The following AMBRA1 variants were observed in gnomAD, a reference collection of about 807,000 sequenced individuals.
AMBRA1 encodes the protein autophagy and beclin 1 regulator 1, also known as activating molecule in BECN1-regulated autophagy protein 1.
In AMBRA1, 47 loss-of-function variants were observed where a neutral mutation model predicts 125.4. The ratio of observed to expected loss-of-function variants is 0.37; its 90% CI spans 0.30 to 0.48. The LOEUF is 0.48. Ranked by LOEUF, AMBRA1 falls within the 20% of genes least tolerant of loss-of-function variation. The pLI is 0.99. For missense variants in AMBRA1, 1,331 were observed against 1,693.4 expected (o/e 0.79, Z 3.76); for synonymous variants, 626 against 655.5 (o/e 0.95, Z 0.69).
At chr11:46,427,134 T>C (rs1174715960) in intron 14 of AMBRA1, among the ~76,000 whole-genome samples, 3 of 152,110 alleles carry the variant, frequency 2.0e-5, no homozygotes, top group Non-Finnish European at 2.9e-5. Context: ...AGTTTGTAGA[T>C]TGAAGAATAA....
At chr11:46,531,686 G>C (rs562418018) in intron 7 of AMBRA1, among the ~76,000 whole-genome samples, 3 of 151,970 alleles carry the variant, frequency 2.0e-5, no homozygotes, top group Non-Finnish European at 4.4e-5. Context: ...TCCAGCCTGG[G>C]TGACAGAGCG....
At chr11:46,547,006 G>A (rs1953052205) in intron 4 of AMBRA1, 107 bp downstream of exon 4, 2 of 1,033,632 alleles carry the variant, frequency 1.9e-6, no homozygotes, top group East Asian at 2.5e-5. Context: ...GGGAGACGGA[G>A]GTTGCAGCGA....
chr11:46,476,910 C>A (rs1047026745), intron 11 of AMBRA1, among the ~76,000 whole-genome samples: 2 of 152,068 alleles, frequency 1.3e-5, no homozygotes, highest in Non-Finnish European at 2.9e-5. Context: ...AGTTCGAAAC[C>A]AGCCTGGTCA....
At chr11:46,409,058 G>C (rs1186100531) in intron 16 of AMBRA1, among the ~76,000 whole-genome samples, 1 of 152,228 alleles carries the variant, frequency 6.6e-6, no homozygotes, top group African/African-American at 2.4e-5. Context: ...CAGTAGCTGA[G>C]ATCATGGGAT....
chr11:46,483,036 TAAAAACCA>T (rs2136925277), intron 11 of AMBRA1, among the ~76,000 whole-genome samples: 1 of 128,562 alleles, frequency 7.8e-6, no homozygotes, highest in Non-Finnish European at 1.7e-5. Context: ...AAAAAAAGAG[TAAAAACCA>T]TGAATCTGCT....
chr11:46,470,399 C>T (rs996171678), intron 11 of AMBRA1, among the ~76,000 whole-genome samples: 101 of 152,136 alleles, frequency 6.6e-4, no homozygotes, highest in African/African-American at 2.3e-3. Context: ...CCAATCCTGG[C>T]TAACACGGTG....
At chr11:46,567,849 C>T (rs772329485) in intron 1 of AMBRA1, among the ~76,000 whole-genome samples, 34 of 152,046 alleles carry the variant, frequency 2.2e-4, no homozygotes, top group African/African-American at 8.2e-4. Flanking sequence ...CCAAACTATA[C>T]TTGAAAAACC....
At chr11:46,585,553 C>A (rs1372455786) in intron 1 of AMBRA1, among the ~76,000 whole-genome samples, 5 of 141,712 alleles carry the variant, frequency 3.5e-5, no homozygotes, top group African/African-American at 1.3e-4. Context: ...GTAGTCCCAG[C>A]TACTCAGGAG....
intron 11 of AMBRA1, among the ~76,000 whole-genome samples, chr11:46,474,770 A>AT (rs1949747137): frequency 6.6e-6 from 1 of 152,144 alleles, no homozygotes; most frequent in African/African-American, 2.4e-5. Flanking sequence ...CTCATTCTGG[A>AT]TTTTCCCTAT....
intron 7 of AMBRA1, chr11:46,530,642 T>G (rs1952172540): frequency 6.6e-6 from 1 of 152,202 alleles, no homozygotes; most frequent in Admixed American, 6.5e-5. Flanking sequence ...AACAACCTCT[T>G]TGGGGCCCTC....
At chr11:46,482,957 C>T (rs748641848) in intron 11 of AMBRA1, among the ~76,000 whole-genome samples, 8 of 149,904 alleles carry the variant, frequency 5.3e-5, no homozygotes, top group Admixed American at 3.3e-4. Context: ...TGCAGTGAGC[C>T]GAGACCATGC....
rs1478396404 is a variant in AMBRA1, at chr11:46,433,760, C to T, written c.2822-132G>A. 7 of 932,098 alleles carry T rather than the reference C, an allele frequency of 7.5e-6. No homozygotes were observed. In the East Asian group the frequency reaches 1.9e-4, roughly 25 times the overall value. 57.7% of individuals were successfully genotyped at this position (932,098 alleles called of 1,614,324 possible). A position where few individuals can be genotyped will look rare whatever the true frequency, so the allele number is the denominator to read the frequency against. On this transcript the variant is annotated intron_variant, in intron 13 of 17. Transcript: ENST00000683756. ...CTCATCCTGGTGTTATCTCATAGGACTGTAGTGAGGAGTATGATGAGAAGG... is the reference window on the plus strand; with the variant it reads ...CTCATCCTGGTGTTATCTCATAGGATTGTAGTGAGGAGTATGATGAGAAGG...
At chr11:46,501,360 G>T (rs762641846) in intron 9 of AMBRA1, among the ~76,000 whole-genome samples, 1 of 152,230 alleles carries the variant, frequency 6.6e-6, no homozygotes, top group Non-Finnish European at 1.5e-5. Flanking sequence ...GTGGGTGTGT[G>T]CATGAGTGCA....
At chr11:46,499,350 C>T (rs189013346) in intron 9 of AMBRA1, among the ~76,000 whole-genome samples, 2 of 152,308 alleles carry the variant, frequency 1.3e-5, no homozygotes, top group African/African-American at 4.8e-5. Context: ...ACAATCCAGA[C>T]GTGTTCCATT....
intron 12 of AMBRA1, among the ~76,000 whole-genome samples, chr11:46,437,855 G>A (rs1206627561): frequency 6.6e-6 from 1 of 152,110 alleles, no homozygotes; most frequent in Non-Finnish European, 1.5e-5. Flanking sequence ...CGAAGACACC[G>A]GCTATAGCTT....
At chr11:46,533,949 T>G (rs1212828274) in intron 7 of AMBRA1, among the ~76,000 whole-genome samples, 1 of 151,846 alleles carries the variant, frequency 6.6e-6, no homozygotes, top group East Asian at 1.9e-4. Flanking sequence ...CGCCCTTTCC[T>G]CTGTCTAAAA....
chr11:46,545,171 GGGGT>G (rs1565278316), intron 5 of AMBRA1, among the ~76,000 whole-genome samples: 3 of 140,908 alleles, frequency 2.1e-5, no homozygotes, highest in African/African-American at 7.9e-5. Flanking sequence ...CGGGGGGGGG[GGGGT>G]GGTGGTGGGC....
intron 14 of AMBRA1, among the ~76,000 whole-genome samples, chr11:46,430,024 T>C (rs984590815): frequency 6.6e-6 from 1 of 152,120 alleles, no homozygotes; most frequent in African/African-American, 2.4e-5. Context: ...CAGTCTTACT[T>C]TCCTGACTTA....
chr11:46,519,412 C>A (rs1301397707), intron 7 of AMBRA1, among the ~76,000 whole-genome samples: 1 of 152,190 alleles, frequency 6.6e-6, no homozygotes, highest in African/African-American at 2.4e-5. Context: ...GTGGACAACT[C>A]CTCCTTACTA....
Sources: gnomAD v4.1 joint callset for allele counts (sites outside exome capture counted in the v4.1 genomes callset) on GRCh38, gnomAD v4.1.1 for gene constraint, MANE v1.5 for transcripts, NCBI Gene and HGNC (gene_info 2026-07-23, HGNC 2026-07-21) for gene names.